Variants in SLC24A2 observed in about 807,000 individuals in gnomAD.
The protein encoded by SLC24A2 is solute carrier family 24 member 2.
SLC24A2 carries 36 observed loss-of-function variants against 62.0 expected under a neutral mutation model. That is an observed-to-expected ratio of 0.58 (90% CI 0.44 to 0.77). SLC24A2 has a LOEUF of 0.77. Among genes scored for constraint, SLC24A2 ranks in the 30% least tolerant of loss-of-function variants. The pLI is 0.00. For synonymous variants in SLC24A2, 358 were observed against 294.0 expected, an observed-to-expected ratio of 1.22 and a Z score of -2.23; for missense variants, 846 against 817.9, an observed-to-expected ratio of 1.03 and a Z score of -0.42.
chr9:19,696,574 AT>A (rs1417489411), intron 2 of SLC24A2, among the ~76,000 whole-genome samples: 1 of 152,136 alleles, frequency 6.6e-6, no homozygotes, highest in Non-Finnish European at 1.5e-5. Flanking sequence ...CTTAAGCTGC[AT>A]TTTGGGTCTA....
At chr9:20,305,007 C>T in the SLC24A2 span, among the ~76,000 whole-genome samples, 2 of 152,072 alleles carry the variant, frequency 1.3e-5, no homozygotes, top group South Asian at 2.1e-4. Flanking sequence ...ACTTCATATA[C>T]CCACACTGGA....
chr9:20,017,540 T>C, the SLC24A2 span, among the ~76,000 whole-genome samples: 1 of 152,122 alleles, frequency 6.6e-6, no homozygotes, highest in Non-Finnish European at 1.5e-5. Context: ...ATTAGGAGAA[T>C]TGACTCATAT....
the SLC24A2 span, among the ~76,000 whole-genome samples, chr9:20,029,922 T>G: frequency 6.6e-6 from 1 of 152,148 alleles, no homozygotes; most frequent in Non-Finnish European, 1.5e-5. Context: ...CCCATGTTAG[T>G]GTTGCACAAA....
chr9:19,824,141 G>A, the SLC24A2 span, among the ~76,000 whole-genome samples: 1 of 152,094 alleles, frequency 6.6e-6, no homozygotes, highest in Non-Finnish European at 1.5e-5. Context: ...AACACCAAAA[G>A]CAATGGCAAC....
At chr9:19,652,455 G>A (rs1457653180) in intron 2 of SLC24A2, among the ~76,000 whole-genome samples, 1 of 151,858 alleles carries the variant, frequency 6.6e-6, no homozygotes, top group Non-Finnish European at 1.5e-5. Context: ...GGAGGCAATG[G>A]AGTTAGAGAA....
chr9:19,763,305 T>C (rs1822403157), intron 2 of SLC24A2, among the ~76,000 whole-genome samples: 1 of 152,220 alleles, frequency 6.6e-6, no homozygotes, highest in Non-Finnish European at 1.5e-5. Context: ...GAATACCCTT[T>C]GTTTCTTTCT....
intron 2 of SLC24A2, among the ~76,000 whole-genome samples, chr9:19,760,744 C>CT (rs754144554): frequency 1.6e-4 from 24 of 151,678 alleles, no homozygotes; most frequent in Admixed American, 5.9e-4. Context: ...TATGTGCCAC[C>CT]TTTTTTTTAA....
At chr9:19,801,174 A>G in the SLC24A2 span, among the ~76,000 whole-genome samples, 1 of 152,190 alleles carries the variant, frequency 6.6e-6, no homozygotes, top group Non-Finnish European at 1.5e-5. Context: ...TATTCCAAGG[A>G]ATGGAATCTT....
the SLC24A2 span, among the ~76,000 whole-genome samples, chr9:19,813,040 A>C: frequency 6.6e-6 from 1 of 152,182 alleles, no homozygotes; most frequent in Non-Finnish European, 1.5e-5. Flanking sequence ...GTTTAGTTTC[A>C]GAATTTGGTA....
At chr9:19,903,582 A>G in the SLC24A2 span, among the ~76,000 whole-genome samples, 1 of 152,240 alleles carries the variant, frequency 6.6e-6, no homozygotes, top group Non-Finnish European at 1.5e-5. Flanking sequence ...GGTAGGCTGC[A>G]GCAAGAAAAG....
intron 2 of SLC24A2, among the ~76,000 whole-genome samples, chr9:19,737,344 A>G (rs1236499370): frequency 6.6e-6 from 1 of 152,248 alleles, no homozygotes; most frequent in African/African-American, 2.4e-5. Flanking sequence ...ACTGAAAATT[A>G]GCAAAATGTC....
At chr9:19,732,121 A>T (rs1043550691) in intron 2 of SLC24A2, among the ~76,000 whole-genome samples, 8 of 152,166 alleles carry the variant, frequency 5.3e-5, no homozygotes, top group Non-Finnish European at 1.2e-4. Context: ...GTTAAAAAAA[A>T]AACTCTTCCT....
the SLC24A2 span, among the ~76,000 whole-genome samples, chr9:20,220,285 T>G: frequency 1.3e-5 from 2 of 152,184 alleles, no homozygotes; most frequent in African/African-American, 4.8e-5. Flanking sequence ...AGACTCTGAC[T>G]ACTTTCGGCC....
the SLC24A2 span, among the ~76,000 whole-genome samples, chr9:19,838,635 G>T: frequency 6.7e-6 from 1 of 149,338 alleles, no homozygotes; most frequent in Non-Finnish European, 1.5e-5. Flanking sequence ...GGAGACTCTG[G>T]TCTCAAAAAA....
the SLC24A2 span, among the ~76,000 whole-genome samples, chr9:19,999,397 T>C: frequency 6.6e-6 from 1 of 152,246 alleles, no homozygotes; most frequent in Non-Finnish European, 1.5e-5. Flanking sequence ...AGTAATTATA[T>C]TCTTGGACAA....
At chr9:20,223,172 TG>T in the SLC24A2 span, among the ~76,000 whole-genome samples, 1 of 152,018 alleles carries the variant, frequency 6.6e-6, no homozygotes, top group South Asian at 2.1e-4. Context: ...AAAAGACACC[TG>T]GGGTAAATCT....
At chr9:20,062,214 G>C in the SLC24A2 span, among the ~76,000 whole-genome samples, 1 of 152,172 alleles carries the variant, frequency 6.6e-6, no homozygotes, top group African/African-American at 2.4e-5. Context: ...GCGTGACAGA[G>C]AAAGACCTTC....
chr9:19,782,426 G>C (rs780762053), intron 2 of SLC24A2, among the ~76,000 whole-genome samples: 1 of 152,118 alleles, frequency 6.6e-6, no homozygotes, highest in Non-Finnish European at 1.5e-5. Flanking sequence ...CTCACTTTAA[G>C]CAAAATTCCA....
intron 8 of SLC24A2, among the ~76,000 whole-genome samples, chr9:19,546,196 G>C (rs780783738): frequency 1.6e-4 from 24 of 152,226 alleles, no homozygotes; most frequent in Non-Finnish European, 3.1e-4. Context: ...GGACCCACTT[G>C]AGGAGGCAGT....
Sources: gnomAD v4.1 joint callset for allele counts (sites outside exome capture counted in the v4.1 genomes callset) on GRCh38, gnomAD v4.1.1 for gene constraint, MANE v1.5 for transcripts, NCBI Gene and HGNC (gene_info 2026-07-23, HGNC 2026-07-21) for gene names.